ZCCHC7: variants seen among roughly 807,000 people sequenced by gnomAD.
The protein encoded by ZCCHC7 is zinc finger CCHC-type containing 7.
ZCCHC7 carries 35 observed loss-of-function variants against 52.0 expected under a neutral mutation model. That is an observed-to-expected ratio of 0.67 (90% CI 0.51 to 0.89). The LOEUF is 0.89. ZCCHC7 is among the 40% of genes least tolerant of loss of function. The probability of loss-of-function intolerance (pLI) is 0.00; values close to 1 mark genes in which losing one functional copy is unlikely to be tolerated. For missense variants in ZCCHC7, 574 were observed against 649.1 expected (o/e 0.88, Z 1.26); for synonymous variants, 217 against 221.5 (o/e 0.98, Z 0.18).
intron 2 of ZCCHC7, among the ~76,000 whole-genome samples, chr9:37,290,937 CAG>C (rs1828507104): frequency 6.6e-6 from 1 of 152,040 alleles, no homozygotes; most frequent in Non-Finnish European, 1.5e-5. Flanking sequence ...TTTAAAAAAA[CAG>C]AAGAATGATG....
intron 1 of ZCCHC7, chr9:37,121,792 A>T (rs1842326592): frequency 6.6e-6 from 1 of 152,172 alleles, no homozygotes; most frequent in African/African-American, 2.4e-5. Flanking sequence ...GACTTAAGTG[A>T]CTAAATTTAG....
rs142667308 is a variant in ZCCHC7 at position 37,180,979 on chromosome 9, C to CAG, written c.610+54039_610+54040dup. 5.5e-4 allele frequency among the ~76,000 whole-genome samples: 83 copies of CAG among 152,172 alleles called. No homozygotes were observed. In the East Asian group the frequency reaches 0.015, roughly 28 times the overall value. Reference sequence around the variant, plus strand: ...CATCAGGTTATTCCTTGATATTTAGCAGAAGTTTTTGCCATAGTGCTTAAT... The same window carrying CAG: ...CATCAGGTTATTCCTTGATATTTAGCAGAGAAGTTTTTGCCATAGTGCTTAAT... On this transcript the variant is annotated intron_variant, in intron 2 of 8. Coordinates refer to ENST00000336755, the MANE Select transcript of ZCCHC7 (RefSeq NM_032226.3).
intron 2 of ZCCHC7, among the ~76,000 whole-genome samples, chr9:37,203,836 C>A (rs1823762331): frequency 6.6e-6 from 1 of 152,136 alleles, no homozygotes; most frequent in African/African-American, 2.4e-5. Flanking sequence ...AATGGAATTG[C>A]TGGGTCAAAT....
At chr9:37,243,897 G>A (rs530911262) in intron 2 of ZCCHC7, among the ~76,000 whole-genome samples, 4 of 151,950 alleles carry the variant, frequency 2.6e-5, no homozygotes, top group East Asian at 1.9e-4. Context: ...GGATTTTTAC[G>A]TAGTAGTAAC....
In ZCCHC7 at chr9:37,349,401, A is replaced by G; in HGVS notation, c.1032A>G (p.Pro344=). Residue 344 remains proline (P), a synonymous_variant, in exon 7 of 9, where the codon CCA becomes CCG. Coordinates refer to ENST00000336755, the MANE Select transcript of ZCCHC7 (RefSeq NM_032226.3). The part of the protein sequence containing the change: ...PPKKPKTPSR[P]SALAYCYHCA... ...AAAAGCCGAAGACCCCTTCAAGACC[A>G]TCAGCCTTAGCATATTGCTATCACT... The G allele has an allele frequency of 1.2e-6, 2 of 1,614,124 alleles. No individual in the cohort carries two copies. The highest frequency in any genetic ancestry group is 8.5e-7 in the Non-Finnish European group (1 of 1,179,980).
At chr9:37,209,614 AC>A (rs1824106366) in intron 2 of ZCCHC7, among the ~76,000 whole-genome samples, 1 of 152,128 alleles carries the variant, frequency 6.6e-6, no homozygotes, top group Non-Finnish European at 1.5e-5. Context: ...GTTTCACTCT[AC>A]CTGTTAAAGA....
intron 2 of ZCCHC7, among the ~76,000 whole-genome samples, chr9:37,144,612 T>C (rs959430298): frequency 2.6e-5 from 4 of 152,042 alleles, no homozygotes; most frequent in African/African-American, 4.8e-5. Flanking sequence ...AATATTCTTA[T>C]TGTTTTATAA....
chr9:37,300,319 A>T (rs1564237635), intron 2 of ZCCHC7, among the ~76,000 whole-genome samples: 1 of 152,228 alleles, frequency 6.6e-6, no homozygotes, highest in East Asian at 1.9e-4. Flanking sequence ...TTGAATTTTA[A>T]TGATGAAAGA....
intron 2 of ZCCHC7, among the ~76,000 whole-genome samples, chr9:37,194,259 G>A (rs1448343716): frequency 6.6e-6 from 1 of 152,110 alleles, no homozygotes; most frequent in East Asian, 1.9e-4. Context: ...AACTCAAATT[G>A]GAGTACTTGA....
intron 1 of ZCCHC7, chr9:37,121,805 T>C (rs1842326833): frequency 6.6e-6 from 1 of 152,226 alleles, no homozygotes; most frequent in African/African-American, 2.4e-5. Flanking sequence ...AAATTTAGCT[T>C]ATTTTTTTTC....
intron 5 of ZCCHC7, 89 bp downstream of exon 5, chr9:37,305,803 G>A: frequency 4.4e-6 from 6 of 1,377,824 alleles, no homozygotes; most frequent in Non-Finnish European, 5.0e-6. Context: ...CTATCAGTCA[G>A]CATACCTAAA....
At chr9:37,272,761 GCAC>G (rs1827488491) in intron 2 of ZCCHC7, among the ~76,000 whole-genome samples, 1 of 152,122 alleles carries the variant, frequency 6.6e-6, no homozygotes, top group Non-Finnish European at 1.5e-5. Context: ...GACTTAATTA[GCAC>G]TATTCCGTAC....
intron 2 of ZCCHC7, among the ~76,000 whole-genome samples, chr9:37,274,331 C>CTTTTTTTTTTT (rs10653910): frequency 2.6e-5 from 2 of 76,670 alleles, no homozygotes; most frequent in African/African-American, 5.4e-5. Flanking sequence ...TATCTAATTT[C>CTTTTTTTTTTT]TTTTTTTTTT....
chr9:37,232,847 A>AT (rs945201147), intron 2 of ZCCHC7, among the ~76,000 whole-genome samples: 7 of 151,988 alleles, frequency 4.6e-5, no homozygotes, highest in Admixed American at 1.3e-4. Context: ...GTGTAAATAT[A>AT]TTTTTTTATA....
intron 2 of ZCCHC7, among the ~76,000 whole-genome samples, chr9:37,202,977 A>G (rs1444690432): frequency 6.6e-6 from 1 of 152,234 alleles, no homozygotes; most frequent in East Asian, 1.9e-4. Context: ...ATTGACAACT[A>G]TTTCAGCCAA....
intron 2 of ZCCHC7, among the ~76,000 whole-genome samples, chr9:37,156,364 C>T (rs1328748565): frequency 6.6e-6 from 1 of 152,098 alleles, no homozygotes; most frequent in Non-Finnish European, 1.5e-5. Flanking sequence ...GTTGTTTTAG[C>T]TGTTTTTCAA....
At chr9:37,304,539 C>T (rs1161146859) in intron 4 of ZCCHC7, among the ~76,000 whole-genome samples, 1 of 152,034 alleles carries the variant, frequency 6.6e-6, no homozygotes, top group Admixed American at 6.6e-5. Flanking sequence ...CGCCTGTAGT[C>T]CCAGCTACTT....
chr9:37,168,039 A>G (rs1465001591), intron 2 of ZCCHC7, among the ~76,000 whole-genome samples: 1 of 152,100 alleles, frequency 6.6e-6, no homozygotes, highest in African/African-American at 2.4e-5. Flanking sequence ...CTTTATTACT[A>G]GATCTTTCAA....
At position 37,175,076 on chromosome 9, in the gene ZCCHC7, C is replaced by T. The variant is rs372368109; in HGVS notation, c.610+48134C>T. 3.4e-3 allele frequency among the ~76,000 whole-genome samples: 515 copies of T among 151,334 alleles called. 4 individuals carry two copies. The highest frequency in any genetic ancestry group is 8.5e-3 in the South Asian group (41 of 4,804). On this transcript the variant is annotated intron_variant, in intron 2 of 8. Transcript: ENST00000336755. ...GCGTGAACCCGGGAGGTGGATCGTGCCACTGCACTCCAACCTGGATGACAG... is the reference window on the plus strand; with the variant it reads ...GCGTGAACCCGGGAGGTGGATCGTGTCACTGCACTCCAACCTGGATGACAG...
Sources: allele counts gnomAD v4.1 joint callset (sites outside exome capture counted in the v4.1 genomes callset), GRCh38; gene constraint gnomAD v4.1.1; transcripts MANE v1.5; gene names NCBI Gene and HGNC (gene_info 2026-07-23, HGNC 2026-07-21).